The following ADAMTS7 variants were observed in gnomAD, a reference collection of about 807,000 sequenced individuals.
ADAMTS7 encodes A disintegrin and metalloproteinase with thrombospondin motifs 7.
Under a neutral mutation model 172.6 loss-of-function variants are expected in ADAMTS7, and 89 were observed. That is an observed-to-expected ratio of 0.52 (90% CI 0.43 to 0.61). ADAMTS7 has a LOEUF of 0.61. Among genes scored for constraint, ADAMTS7 ranks in the 20% least tolerant of loss-of-function variants. The probability of loss-of-function intolerance (pLI) is 0.00; values close to 1 mark genes in which losing one functional copy is unlikely to be tolerated. For synonymous variants in ADAMTS7, 885 were observed against 978.4 expected (o/e 0.90, Z 1.78); for missense variants, 1,973 against 2,355.6 (o/e 0.84, Z 3.36).
At chr15:78,796,458 C>T (rs900374691) in intron 4 of ADAMTS7, 132 bp downstream of exon 4, 4 of 1,021,688 alleles carry the variant, frequency 3.9e-6, no homozygotes, top group South Asian at 1.6e-5. Flanking sequence ...AGCTTGGATA[C>T]CCTTCTTCCT....
chr15:78,772,269 T>G (rs2055263736), intron 14 of ADAMTS7, among the ~76,000 whole-genome samples: 1 of 152,226 alleles, frequency 6.6e-6, no homozygotes, highest in Non-Finnish European at 1.5e-5. Flanking sequence ...GTAATGGCCC[T>G]ATAGCATAGG....
In ADAMTS7 at chr15:78,759,988, C is replaced by CGT. The variant is rs777218708; in HGVS notation, c.4904-411_4904-410insAC. On this transcript the variant is annotated intron_variant, in intron 23 of 23. Transcript: ENST00000388820. The stretch of plus-strand genomic sequence containing the variant: ...CCTGCCAGCCTGCAGCGGCCTCTGC[C>CGT]CCCGACTCCCGCCACCGCCCCCTGC... Among the ~76,000 whole-genome samples the CGT allele has an allele frequency of 3.3e-3, 506 of 152,232 alleles. 2 individuals are homozygous for CGT. Among genetic ancestry groups the CGT allele is most frequent in the Non-Finnish European group, 4.9e-3 (336 of 68,008 alleles).
chr15:78,774,538 C>T (rs1024170549), intron 12 of ADAMTS7, 86 bp downstream of exon 12: 9 of 1,592,320 alleles, frequency 5.7e-6, no homozygotes, highest in African/African-American at 5.4e-5. Flanking sequence ...GAAGACTGGG[C>T]CTCCTGCTCG....
chr15:78,810,884 G>C (rs2055857553), intron 1 of ADAMTS7: 1 of 385,698 alleles, frequency 2.6e-6, no homozygotes, highest in African/African-American at 2.1e-5. Flanking sequence ...CCAGGCGACA[G>C]GCAGTGTCAG....
In ADAMTS7 at chr15:78,767,370, C is replaced by T; in HGVS notation, c.2859+9G>A. 6.2e-7 allele frequency: 1 copy of T among 1,611,536 alleles called. No individual in the cohort carries two copies. The highest frequency in any genetic ancestry group is 1.3e-5 in the African/African-American group (1 of 75,000). On this transcript the variant is annotated intron_variant, in intron 18 of 23. Coordinates refer to ENST00000388820, the MANE Select transcript of ADAMTS7 (RefSeq NM_014272.5). ...GCTGGAGGCGGGCCCCTTCCCATCC[C>T]ACACTCACCTGAGACCAGTTCCCCA...
At position 78,811,388 on chromosome 15, in the gene ADAMTS7, G is replaced by C; in HGVS notation, c.-168C>G. ...TGCGCTCGGTCCGCGGGCAACAAAG[G>C]CTGCAGGGCCCGCCCCCTTGGCCGC... On this transcript the variant is annotated 5_prime_UTR_variant, in exon 1 of 24. Coordinates refer to ENST00000388820, the MANE Select transcript of ADAMTS7 (RefSeq NM_014272.5). The C allele has an allele frequency of 1.4e-6, 1 of 710,826 alleles. No individual in the cohort carries two copies. The allele number at this position is 710,826 out of a possible 1,614,324, so 44.0% of individuals were successfully genotyped here.
chr15:78,763,554 CA>C (rs1412704304), intron 22 of ADAMTS7, 144 bp downstream of exon 22: 16 of 1,152,062 alleles, frequency 1.4e-5, no homozygotes, highest in Non-Finnish European at 1.6e-5. Context: ...CAGGTGTGAG[CA>C]CCAGCCGGGC....
At chr15:78,789,554 T>C in intron 7 of ADAMTS7, 135 bp downstream of exon 7, 1 of 1,250,450 alleles carries the variant, frequency 8.0e-7, no homozygotes, top group Non-Finnish European at 1.1e-6. Flanking sequence ...GGGCAGCACA[T>C]GGCCAGTCAG....
At chr15:78,762,630 C>T (rs1318615714) in intron 22 of ADAMTS7, 65 bp from the exon 23 acceptor site, 14 of 1,202,002 alleles carry the variant, frequency 1.2e-5, no homozygotes, top group Middle Eastern at 3.0e-4. Context: ...GCAGGGACAC[C>T]TCCTCTGGGA....
chr15:78,762,931 G>A (rs538174381), intron 22 of ADAMTS7, among the ~76,000 whole-genome samples: 156 of 152,320 alleles, frequency 1.0e-3, no homozygotes, highest in African/African-American at 3.5e-3. Context: ...ACACCGCTGT[G>A]CCCGAGGGAC....
intron 16 of ADAMTS7, among the ~76,000 whole-genome samples, chr15:78,768,475 C>T (rs555179158): frequency 1.3e-5 from 2 of 152,324 alleles, no homozygotes; most frequent in South Asian, 4.1e-4. Context: ...AGCCTCCCCT[C>T]TGACTGGAGG....
At chr15:78,764,431 C>T (rs1596171377) in intron 20 of ADAMTS7, 124 bp downstream of exon 20, 13 of 1,271,104 alleles carry the variant, frequency 1.0e-5, no homozygotes, top group Admixed American at 2.8e-5. Flanking sequence ...CCGGTGTGAT[C>T]GGGCACACAG....
chr15:78,790,196 CG>C (rs2055559528), intron 6 of ADAMTS7, among the ~76,000 whole-genome samples: 1 of 152,140 alleles, frequency 6.6e-6, no homozygotes, highest in Non-Finnish European at 1.5e-5. Context: ...TGACTATAAA[CG>C]GGTAGCATGA....
In ADAMTS7 at chr15:78,797,971, G is replaced by A; in HGVS notation, c.599C>T (p.Ala200Val). 5 of 1,599,894 alleles carry A rather than the reference G, an allele frequency of 3.1e-6. No homozygotes were observed. Among genetic ancestry groups the A allele is most frequent in the Middle Eastern group, 3.5e-4 (2 of 5,650 alleles). Residue 200 changes from alanine (A) to valine (V), a missense_variant, in exon 3 of 24, where the codon GCT becomes GTT. Physicochemically the swap from Ala to Val is moderately conservative, Grantham distance 64 (BLOSUM62 0). This residue lies in a region of ADAMTS7 where 526 missense variants were observed against 662.9 expected (regional missense o/e 0.79). Coordinates refer to ENST00000388820, the MANE Select transcript of ADAMTS7 (RefSeq NM_014272.5). ...ACCTTGCACTCCACAGGTGCTTGGA[G>A]CACTGGAATCACCCCGCTGTGCCAG... Reference protein sequence around the residue: ...ERLAQRGDSSAPSTCGVQVYP... With the variant: ...ERLAQRGDSSVPSTCGVQVYP...
rs1473115344 is a variant in ADAMTS7 at position 78,774,613 on chromosome 15, G to A, written c.1876+11C>T. Reference sequence around the variant, plus strand: ...CTAAGCCTCAATGTCTCCATGGGGGGCAGCACTCACCGTCATTGACCACGG... The same window carrying A: ...CTAAGCCTCAATGTCTCCATGGGGGACAGCACTCACCGTCATTGACCACGG... On this transcript the variant is annotated intron_variant, in intron 12 of 23. Transcript: ENST00000388820. 2 of 1,611,656 alleles carry A rather than the reference G, an allele frequency of 1.2e-6. No homozygotes were observed. Among genetic ancestry groups the A allele is most frequent in the Non-Finnish European group, 1.7e-6 (2 of 1,179,792 alleles).
intron 9 of ADAMTS7, 100 bp downstream of exon 9, chr15:78,777,344 G>A (rs2055362421): frequency 1.0e-5 from 15 of 1,451,624 alleles, no homozygotes; most frequent in African/African-American, 1.4e-5. Flanking sequence ...CAGGCCAGGA[G>A]AGGTTGCTCC....
Position 78,806,152 on chromosome 15 carries a change from A to AAC in ADAMTS7, c.100+4968_100+4969insGT, listed in dbSNP as rs1555433575. On this transcript the variant is annotated intron_variant, in intron 1 of 23. Transcript: ENST00000388820. ...CAAAAAAAAAAAAAAAAAAAAAAAA[A>AAC]AAACAGAAAAATGGGTGCAGTAGAC... Among the ~76,000 whole-genome samples, 40 of 114,974 alleles carry AAC rather than the reference A, an allele frequency of 3.5e-4. 5 individuals are homozygous for AAC. The highest frequency in any genetic ancestry group is 2.0e-3 in the African/African-American group (39 of 19,740). The allele number at this position is 114,974 out of a possible 152,430, so 75.4% of individuals were successfully genotyped here.
chr15:78,763,007 G>A (rs1028984729), intron 22 of ADAMTS7, among the ~76,000 whole-genome samples: 1 of 152,218 alleles, frequency 6.6e-6, no homozygotes, highest in Non-Finnish European at 1.5e-5. Context: ...CCGGGGCCCA[G>A]CCCGCCAGGC....
chr15:78,775,815 A>G (rs2055334520), intron 11 of ADAMTS7, among the ~76,000 whole-genome samples: 1 of 152,210 alleles, frequency 6.6e-6, no homozygotes, highest in Non-Finnish European at 1.5e-5. Flanking sequence ...AGATGGGGAA[A>G]TGGAGGCCCA....
Sources: allele counts gnomAD v4.1 joint callset (sites outside exome capture counted in the v4.1 genomes callset), GRCh38; gene constraint gnomAD v4.1.1; regional missense constraint gnomAD v4.1.1; transcripts MANE v1.5; gene names NCBI Gene and HGNC (gene_info 2026-07-23, HGNC 2026-07-21).